The following ITPKB variants were observed in gnomAD, a reference collection of about 807,000 sequenced individuals.
The protein encoded by ITPKB is IP3 3-kinase B.
Under a neutral mutation model 69.4 loss-of-function variants are expected in ITPKB, and 13 were observed. The observed-to-expected ratio is 0.19, with a 90% CI of 0.12 to 0.30. The LOEUF is 0.30. Ranked by LOEUF, ITPKB falls within the 10% of genes least tolerant of loss-of-function variation. The pLI, the probability that ITPKB is intolerant of heterozygous loss-of-function variation, is 1.00. For synonymous variants in ITPKB, 584 were observed against 513.7 expected (o/e 1.14, Z -1.85); for missense variants, 1,240 against 1,250.5 (o/e 0.99, Z 0.13).
chr1:226,681,147 C>T (rs1398522705), intron 2 of ITPKB, among the ~76,000 whole-genome samples: 1 of 152,148 alleles, frequency 6.6e-6, no homozygotes, highest in East Asian at 1.9e-4. Context: ...CAAACCCAGT[C>T]GTCTGGTGAG....
At chr1:226,649,198 G>GC (rs1249047189) in intron 2 of ITPKB, among the ~76,000 whole-genome samples, 1 of 151,866 alleles carries the variant, frequency 6.6e-6, no homozygotes, top group African/African-American at 2.4e-5. Context: ...GAGGGAGCAA[G>GC]CCCACAGCTC....
intron 2 of ITPKB, among the ~76,000 whole-genome samples, chr1:226,681,620 T>C (rs1656095758): frequency 6.6e-6 from 1 of 152,188 alleles, no homozygotes; most frequent in Non-Finnish European, 1.5e-5. Flanking sequence ...AAAAATTAAA[T>C]ATAAACATTT....
intron 2 of ITPKB, among the ~76,000 whole-genome samples, chr1:226,704,071 A>C (rs1307177206): frequency 6.6e-6 from 1 of 152,202 alleles, no homozygotes; most frequent in Non-Finnish European, 1.5e-5. Context: ...TTATTTTCCT[A>C]GATCTCAAAC....
Position 226,723,100 on chromosome 1 carries a change from T to C in ITPKB, c.1932+12427A>G, listed in dbSNP as rs543884779. Among the ~76,000 whole-genome samples the C allele has an allele frequency of 1.8e-4, 28 of 152,284 alleles. No individual in the cohort carries two copies. In the South Asian group the frequency reaches 5.0e-3, roughly 27 times the overall value. On this transcript the variant is annotated intron_variant, in intron 2 of 7. Transcript: ENST00000429204. ...GGAACCTGTAGCCATCCAGCCCGGA[T>C]CCTGCATGGGTTCCAGTAGGCCCTC...
intron 3 of ITPKB, among the ~76,000 whole-genome samples, chr1:226,648,441 G>A (rs1352831176): frequency 1.1e-5 from 1 of 90,030 alleles, no homozygotes; most frequent in Non-Finnish European, 2.2e-5. Flanking sequence ...CGAGGGAGGG[G>A]AGGATGCATG....
intron 2 of ITPKB, among the ~76,000 whole-genome samples, chr1:226,650,370 C>T (rs1669163400): frequency 6.6e-6 from 1 of 152,210 alleles, no homozygotes; most frequent in Non-Finnish European, 1.5e-5. Context: ...GAGAGGGCAG[C>T]GCCCCATGAG....
chr1:226,683,672 C>A (rs367766276), intron 2 of ITPKB, among the ~76,000 whole-genome samples: 1 of 152,024 alleles, frequency 6.6e-6, no homozygotes, highest in South Asian at 2.1e-4. Flanking sequence ...AACTCAGAGT[C>A]CCCCCGACTT....
At position 226,737,538 on chromosome 1, in the gene ITPKB, G is replaced by C; in HGVS notation, c.-80C>G. On this transcript the variant is annotated 5_prime_UTR_variant, in exon 2 of 8. Transcript: ENST00000429204. ...GGCGCCTCCTCCTCCCGGCGCTCCC[G>C]GCTCAGCCCCGGAGGCCCGGCAGCC... 7.6e-7 allele frequency: 1 copy of C among 1,321,842 alleles called. No homozygotes were observed. The highest frequency in any genetic ancestry group is 9.6e-7 in the Non-Finnish European group (1 of 1,040,014). The allele number at this position is 1,321,842 out of a possible 1,614,324, so 81.9% of individuals were successfully genotyped here. A position where few individuals can be genotyped will look rare whatever the true frequency, so the allele number is the denominator to read the frequency against.
intron 2 of ITPKB, among the ~76,000 whole-genome samples, chr1:226,693,930 A>G (rs956437022): frequency 1.3e-5 from 2 of 152,252 alleles, no homozygotes; most frequent in African/African-American, 4.8e-5. Context: ...GATAGCTCTG[A>G]AAGAACTCAA....
In ITPKB at chr1:226,737,374, T is replaced by G. The variant is rs1332729825; in HGVS notation, c.85A>C (p.Ser29Arg). ...EMKSGGGPGP[S>R]GSETPPPPRR... ...GGGGGCGGGGGCGTCTCGCTGCCAC[T>G]GGGCCCCGGGCCGCCGCCGCTCTTC... The change falls in exon 2 of 8, where the codon AGT becomes CGT. Residue 29 changes from serine (S) to arginine (R), a missense_variant. Ser to Arg is a moderately radical substitution (Grantham distance 110). Transcript: ENST00000429204. 7 of 1,608,372 alleles carry G rather than the reference T, an allele frequency of 4.4e-6. No homozygotes were observed. Among genetic ancestry groups the G allele is most frequent in the Non-Finnish European group, 5.9e-6 (7 of 1,179,120 alleles).
intron 2 of ITPKB, among the ~76,000 whole-genome samples, chr1:226,652,141 G>A (rs1669206886): frequency 6.6e-6 from 1 of 152,230 alleles, no homozygotes; most frequent in Non-Finnish European, 1.5e-5. Flanking sequence ...AACAGAAAAA[G>A]CCATTTCCAG....
chr1:226,679,351 T>G (rs1162868614), intron 2 of ITPKB, among the ~76,000 whole-genome samples: 1 of 152,230 alleles, frequency 6.6e-6, no homozygotes, highest in Non-Finnish European at 1.5e-5. Flanking sequence ...TCCTGGAGTT[T>G]TGGGAGGACC....
intron 2 of ITPKB, among the ~76,000 whole-genome samples, chr1:226,659,422 G>A (rs1331385292): frequency 1.3e-5 from 2 of 151,954 alleles, no homozygotes; most frequent in African/African-American, 4.8e-5. Flanking sequence ...CTCACTCTCT[G>A]GCGTGCCCAC....
intron 2 of ITPKB, among the ~76,000 whole-genome samples, chr1:226,672,224 T>C (rs1669631317): frequency 6.6e-6 from 1 of 152,160 alleles, no homozygotes; most frequent in Admixed American, 6.5e-5. Context: ...TGTGACAGCG[T>C]GTGACAGCGA....
intron 2 of ITPKB, among the ~76,000 whole-genome samples, chr1:226,670,385 T>A (rs1669591343): frequency 6.6e-6 from 1 of 152,080 alleles, no homozygotes. Flanking sequence ...GAAATCTACT[T>A]AAGGAAATAC....
chr1:226,674,956 G>A (rs1016671522), intron 2 of ITPKB: 8 of 152,158 alleles, frequency 5.3e-5, no homozygotes, highest in South Asian at 2.1e-4. Context: ...TGCTGCCTCC[G>A]ACCCAGTTCC....
At chr1:226,635,705 C>A (rs1450756573) in intron 7 of ITPKB, among the ~76,000 whole-genome samples, 2 of 152,230 alleles carry the variant, frequency 1.3e-5, no homozygotes, top group African/African-American at 4.8e-5. Context: ...GCACACAGCA[C>A]CCCCACCCCA....
At position 226,634,358 on chromosome 1, in the gene ITPKB, G is replaced by C. The variant is rs74139714; in HGVS notation, c.*313C>G. On this transcript the variant is annotated 3_prime_UTR_variant, in exon 8 of 8. Transcript: ENST00000429204. This position sits in a 1 kb window ranked among gnomAD's most constrained non-coding sequence, Gnocchi z 6.3. ...GCTGGTGCTTCCTAGGGGGCTCCCA[G>C]AGGCAGGGCTCATCTGGTAGGGTCC... 5.7e-3 allele frequency: 1,922 copies of C among 339,520 alleles called. 33 individuals are homozygous for C. The highest frequency in any genetic ancestry group is 0.035 in the African/African-American group (1,700 of 47,948). The allele number at this position is 339,520 out of a possible 1,614,324, so 21.0% of individuals were successfully genotyped here.
intron 2 of ITPKB, chr1:226,668,768 G>A (rs1669553711): frequency 6.6e-6 from 1 of 152,242 alleles, no homozygotes; most frequent in Admixed American, 6.5e-5. Context: ...AGGGAAGATA[G>A]ACCAACAAAT....
Sources: allele counts gnomAD v4.1 joint callset (sites outside exome capture counted in the v4.1 genomes callset), GRCh38; gene constraint gnomAD v4.1.1; non-coding constraint Gnocchi (gnomAD v3.1); transcripts MANE v1.5; gene names NCBI Gene and HGNC (gene_info 2026-07-23, HGNC 2026-07-21).